Variants in ZBTB20 observed in about 807,000 individuals in gnomAD.
ZBTB20 encodes zinc finger and BTB domain containing 20, also known as zinc finger and BTB domain-containing protein 20.
ZBTB20 carries 9 observed loss-of-function variants against 56.9 expected under a neutral mutation model. The ratio of observed to expected loss-of-function variants is 0.16; its 90% CI spans 0.10 to 0.28. The LOEUF (loss-of-function observed/expected upper bound fraction) is 0.28. ZBTB20 is among the 10% of genes least tolerant of loss of function. The pLI is 1.00. For missense variants in ZBTB20, 655 were observed against 1,003.0 expected, an observed-to-expected ratio of 0.65 and a Z score of 4.69; for synonymous variants, 417 against 420.7, an observed-to-expected ratio of 0.99 and a Z score of 0.11.
intron 6 of ZBTB20, among the ~76,000 whole-genome samples, chr3:114,537,574 G>C (rs544124135): frequency 6.6e-6 from 1 of 152,166 alleles, no homozygotes; most frequent in South Asian, 2.1e-4. Context: ...GGAAGACAGC[G>C]TGGCAATTCA....
intron 2 of ZBTB20, among the ~76,000 whole-genome samples, chr3:115,040,304 G>A (rs2081088779): frequency 6.6e-6 from 1 of 152,040 alleles, no homozygotes; most frequent in Non-Finnish European, 1.5e-5. Context: ...TAATATGTCA[G>A]GGTAAGTAGA....
At chr3:114,953,330 C>A (rs1390384853) in intron 3 of ZBTB20, among the ~76,000 whole-genome samples, 1 of 151,230 alleles carries the variant, frequency 6.6e-6, no homozygotes, top group African/African-American at 2.4e-5. Context: ...AAGAAACAAA[C>A]AGAAAACAAA....
intron 6 of ZBTB20, among the ~76,000 whole-genome samples, chr3:114,633,558 G>C (rs2059084282): frequency 6.6e-6 from 1 of 152,134 alleles, no homozygotes; most frequent in Non-Finnish European, 1.5e-5. Flanking sequence ...AAAGGAACCT[G>C]GCTGGGCAGT....
At chr3:114,921,120 A>C (rs912346458) in intron 3 of ZBTB20, among the ~76,000 whole-genome samples, 4 of 152,050 alleles carry the variant, frequency 2.6e-5, no homozygotes, top group Admixed American at 2.0e-4. Context: ...AAAGCCCAGG[A>C]CTAGATGTCT....
At position 114,324,975 on chromosome 3, in the gene ZBTB20, T is replaced by C. The variant is rs913631257; in HGVS notation, c.*14030A>G. 6 of 152,124 alleles carry C rather than the reference T, an allele frequency of 3.9e-5. No individual in the cohort carries two copies. The highest frequency in any genetic ancestry group is 9.7e-5 in the African/African-American group (4 of 41,406). The allele number at this position is 152,124 out of a possible 1,614,324, so 9.4% of individuals were successfully genotyped here. On this transcript the variant is annotated 3_prime_UTR_variant, in exon 12 of 12. Transcript: ENST00000675478. Reference sequence around the variant, plus strand: ...ATTGTGGGAAAGGAATTAAGCATAGTGGGGTCAGCACACTCAAATTACCTT... The same window carrying C: ...ATTGTGGGAAAGGAATTAAGCATAGCGGGGTCAGCACACTCAAATTACCTT...
chr3:114,802,344 CT>C (rs1422076622), intron 4 of ZBTB20, among the ~76,000 whole-genome samples: 1 of 151,862 alleles, frequency 6.6e-6, no homozygotes, highest in Non-Finnish European at 1.5e-5. Flanking sequence ...GTAGTTCTTA[CT>C]TGGGATTCCT....
At chr3:114,649,562 G>T (rs2060020838) in intron 6 of ZBTB20, among the ~76,000 whole-genome samples, 1 of 151,840 alleles carries the variant, frequency 6.6e-6, no homozygotes, top group African/African-American at 2.4e-5. Flanking sequence ...CTTTTAGGGG[G>T]TCATATAGGT....
intron 2 of ZBTB20, among the ~76,000 whole-genome samples, chr3:114,981,970 T>C (rs923483411): frequency 6.6e-6 from 1 of 152,054 alleles, no homozygotes; most frequent in African/African-American, 2.4e-5. Flanking sequence ...TTTGGTGAAT[T>C]GTTCATAAGA....
chr3:114,776,032 C>CT (rs11324801), intron 5 of ZBTB20, among the ~76,000 whole-genome samples: 13,585 of 135,426 alleles, frequency 0.1, 892 homozygotes, highest in African/African-American at 0.18. Flanking sequence ...AATTTTTTTT[C>CT]TTTTTTTTTT....
intron 5 of ZBTB20, among the ~76,000 whole-genome samples, chr3:114,775,213 A>G (rs907649341): frequency 3.3e-5 from 5 of 151,898 alleles, no homozygotes; most frequent in African/African-American, 1.2e-4. Flanking sequence ...GGGCTTCACC[A>G]TCCTATGCCA....
At chr3:115,134,764 G>A (rs1326185681) in intron 1 of ZBTB20, among the ~76,000 whole-genome samples, 3 of 152,106 alleles carry the variant, frequency 2.0e-5, no homozygotes, top group Non-Finnish European at 4.4e-5. Context: ...CACTTGCTAT[G>A]GGTCTCCTTA....
chr3:115,066,693 C>A (rs2082219692), intron 2 of ZBTB20, among the ~76,000 whole-genome samples: 1 of 152,072 alleles, frequency 6.6e-6, no homozygotes, highest in Non-Finnish European at 1.5e-5. Context: ...ATGATAGGCA[C>A]CTACTTATCC....
chr3:115,004,740 T>C (rs927899245), intron 2 of ZBTB20, among the ~76,000 whole-genome samples: 1 of 151,762 alleles, frequency 6.6e-6, no homozygotes, highest in Non-Finnish European at 1.5e-5. Flanking sequence ...ATATTTATAA[T>C]ATAATTTTGG....
intron 7 of ZBTB20, among the ~76,000 whole-genome samples, chr3:114,497,055 C>A (rs150149329): frequency 1.3e-5 from 2 of 152,246 alleles, no homozygotes; most frequent in African/African-American, 4.8e-5. Flanking sequence ...TTTGACTCCA[C>A]ACAATGTTTC....
At chr3:114,519,503 C>T (rs976551136) in intron 6 of ZBTB20, 1 of 152,204 alleles carries the variant, frequency 6.6e-6, no homozygotes, top group African/African-American at 2.4e-5. Context: ...CTGCCACCCT[C>T]CTTGCCCTGC....
intron 6 of ZBTB20, among the ~76,000 whole-genome samples, chr3:114,640,777 C>T (rs967813256): frequency 2.6e-5 from 4 of 151,916 alleles, no homozygotes; most frequent in South Asian, 4.1e-4. Flanking sequence ...AAGAGATAAA[C>T]TAAAACATTA....
chr3:114,419,766 T>G (rs1248938330), intron 7 of ZBTB20, among the ~76,000 whole-genome samples: 1 of 152,082 alleles, frequency 6.6e-6, no homozygotes, highest in Non-Finnish European at 1.5e-5. Context: ...CCAAAGAGAA[T>G]AAATGAAATC....
chr3:114,651,426 T>C (rs1016203011), intron 6 of ZBTB20, among the ~76,000 whole-genome samples: 4 of 151,938 alleles, frequency 2.6e-5, no homozygotes, highest in Non-Finnish European at 5.9e-5. Context: ...AAGCTTATAT[T>C]TGAAAATAAA....
At chr3:114,797,286 C>T (rs7641139) in intron 5 of ZBTB20, among the ~76,000 whole-genome samples, 20,123 of 151,496 alleles carry the variant, frequency 0.13, 1,704 homozygotes, top group African/African-American at 0.24. Context: ...CCTACTAATG[C>T]GTTGCAACCC....
Sources: allele counts gnomAD v4.1 joint callset (sites outside exome capture counted in the v4.1 genomes callset), GRCh38; gene constraint gnomAD v4.1.1; transcripts MANE v1.5; gene names NCBI Gene and HGNC (gene_info 2026-07-23, HGNC 2026-07-21).